The following HACD4 variants were observed in gnomAD, a reference collection of about 807,000 sequenced individuals.
The protein encoded by HACD4 is very-long-chain (3R)-3-hydroxyacyl-CoA dehydratase 4.
Under a neutral mutation model 33.3 loss-of-function variants are expected in HACD4, and 35 were observed. That is an observed-to-expected ratio of 1.05 (90% CI 0.80 to 1.39). HACD4 has a LOEUF of 1.39. Among genes scored for constraint, HACD4 ranks in the 40% most tolerant of loss-of-function variants. HACD4 has a pLI of 0.00. For missense variants in HACD4, 323 were observed against 276.5 expected (o/e 1.17, Z -1.19); for synonymous variants, 118 against 98.0 (o/e 1.20, Z -1.21).
intron 4 of HACD4, among the ~76,000 whole-genome samples, chr9:21,012,551 A>G (rs1169465142): frequency 6.6e-6 from 1 of 152,210 alleles, no homozygotes; most frequent in Non-Finnish European, 1.5e-5. Context: ...CTCAGAGACA[A>G]TAGCCAATGT....
At chr9:21,019,587 G>T (rs1213042970) in intron 3 of HACD4, among the ~76,000 whole-genome samples, 1 of 151,914 alleles carries the variant, frequency 6.6e-6, no homozygotes, top group East Asian at 1.9e-4. Flanking sequence ...TTTCTATGTA[G>T]ATAATGACTG....
At chr9:21,019,794 C>A (rs753254362) in intron 3 of HACD4, among the ~76,000 whole-genome samples, 6 of 152,056 alleles carry the variant, frequency 3.9e-5, no homozygotes, top group Non-Finnish European at 7.4e-5. Context: ...TTTATAGTTT[C>A]TTCTCTAACA....
intron 5 of HACD4, among the ~76,000 whole-genome samples, chr9:21,010,197 T>C (rs2132769758): frequency 6.6e-6 from 1 of 152,328 alleles, no homozygotes; most frequent in Non-Finnish European, 1.5e-5. Flanking sequence ...GTCTTCAGTT[T>C]TGAAAACTTT....
chr9:21,019,722 G>A (rs1439530401), intron 3 of HACD4, among the ~76,000 whole-genome samples: 1 of 152,042 alleles, frequency 6.6e-6, no homozygotes, highest in African/African-American at 2.4e-5. Flanking sequence ...GAGTGAATTG[G>A]ACATGTAATT....
At chr9:21,009,035 G>C (rs1842344563) in intron 5 of HACD4, among the ~76,000 whole-genome samples, 1 of 152,052 alleles carries the variant, frequency 6.6e-6, no homozygotes, top group Non-Finnish European at 1.5e-5. Context: ...GTTAACACAG[G>C]CCGCACCTAT....
rs1342258066 is a variant in HACD4, at chr9:21,029,360, A to C, written c.77T>G (p.Ile26Ser). The C allele has an allele frequency of 6.3e-7, 1 of 1,597,686 alleles. No individual in the cohort carries two copies. Among genetic ancestry groups the C allele is most frequent in the Non-Finnish European group, 8.6e-7 (1 of 1,166,800 alleles). Residue 26 changes from isoleucine to serine, a missense_variant, in exon 2 of 7, where the codon ATC (isoleucine) becomes AGC (serine). By Grantham distance (142) the Ile-to-Ser change is moderately radical (BLOSUM62 -2). Transcript: ENST00000495827. ...KNAYLFIYYLIQFCGHSWIFT... is the reference protein window; with the variant it reads ...KNAYLFIYYLSQFCGHSWIFT... Reference sequence around the variant, plus strand: ...TATCCAAGAGTGGCCACAGAACTGGATTAAGTAATAGATGAAAAGATACGC... The same window carrying C: ...TATCCAAGAGTGGCCACAGAACTGGCTTAAGTAATAGATGAAAAGATACGC...
intron 1 of HACD4, among the ~76,000 whole-genome samples, chr9:21,030,490 T>A (rs1415678774): frequency 6.6e-6 from 1 of 151,976 alleles, no homozygotes; most frequent in Non-Finnish European, 1.5e-5. Flanking sequence ...CAACAAAAAA[T>A]CCATGTGTGC....
rs749679223 is a variant in HACD4, at chr9:21,026,599, C to A, written c.267G>T (p.Leu89Phe). 8.1e-6 allele frequency: 13 copies of A among 1,609,424 alleles called. No homozygotes were observed. Among genetic ancestry groups the A allele is most frequent in the Admixed American group, 3.4e-5 (2 of 59,284 alleles). The change falls in exon 3 of 7, where the codon TTG (leucine) becomes TTT (phenylalanine). Residue 89 changes from leucine (L) to phenylalanine (F), a missense_variant. Coordinates refer to ENST00000495827, the MANE Select transcript of HACD4 (RefSeq NM_001010915.5). Reference protein sequence around the residue: ...IESNHLLPRFLQLTERIIILF... With the variant: ...IESNHLLPRFFQLTERIIILF... ...ATAATATGTGATTCAAACCTACCTG[C>A]AAAAACCTTGGGAGAAGATGGTTTG...
Position 21,007,075 on chromosome 9 carries a change from T to C in HACD4, c.661A>G (p.Ile221Val), listed in dbSNP as rs1461400011. 4 of 1,587,060 alleles carry C rather than the reference T, an allele frequency of 2.5e-6. No homozygotes were observed. The Admixed American group carries it at 6.7e-5, about 26-fold the overall frequency. ...TTTTTAATGGGAAAGATTCCGAGGA[T>C]GTCTCTTCTTTCTGAGTATAGATGA... Reference protein sequence around the residue: ...YSHLYSERRDILGIFPIKKKK... With the variant: ...YSHLYSERRDVLGIFPIKKKK... The change falls in exon 7 of 7, where the codon ATC becomes GTC. Residue 221 changes from isoleucine (I) to valine (V), a missense_variant. By Grantham distance (29) the Ile-to-Val change is conservative. Coordinates refer to ENST00000495827, the MANE Select transcript of HACD4 (RefSeq NM_001010915.5).
rs763208548 is a variant in HACD4 at position 21,008,065 on chromosome 9, T to C, written c.572A>G (p.Tyr191Cys). The part of the protein sequence containing the change: ...STKLPFDLSI[Y>C]FPYVLKIYLM... ...ATATATTTTCAGCACATATGGGAAA[T>C]AGATGGATAAGTCAAAGGGCAGCTT... Residue 191 changes from tyrosine to cysteine, a missense_variant, in exon 6 of 7, where the codon TAT becomes TGT. Coordinates refer to ENST00000495827, the MANE Select transcript of HACD4 (RefSeq NM_001010915.5). The C allele has an allele frequency of 6.8e-6, 11 of 1,611,508 alleles. No homozygotes were observed. Among genetic ancestry groups the C allele is most frequent in the Middle Eastern group, 1.6e-4 (1 of 6,070 alleles).
In HACD4 at chr9:21,004,088, C is replaced by G. The variant is rs1052521717; in HGVS notation, c.*2949G>C. 1 of 152,234 alleles carries G rather than the reference C, an allele frequency of 6.6e-6. No individual in the cohort carries two copies. The highest frequency in any genetic ancestry group is 2.4e-5 in the African/African-American group (1 of 41,456). 9.4% of individuals were successfully genotyped at this position (152,234 alleles called of 1,614,324 possible). A position where few individuals can be genotyped will look rare whatever the true frequency, so the allele number is the denominator to read the frequency against. ...TGGCTCAATCTCTGCTCACTGCAACCTCCATCTCCTGGGCTCAAGCGATTC... is the reference window on the plus strand; with the variant it reads ...TGGCTCAATCTCTGCTCACTGCAACGTCCATCTCCTGGGCTCAAGCGATTC... On this transcript the variant is annotated 3_prime_UTR_variant, in exon 7 of 7. Coordinates refer to ENST00000495827, the MANE Select transcript of HACD4 (RefSeq NM_001010915.5). The surrounding 1 kb of genome is among the most constrained non-coding windows in gnomAD (Gnocchi z 4.6).
In HACD4 at chr9:21,006,959, C is replaced by G. The variant is rs570746638; in HGVS notation, c.*78G>C. On this transcript the variant is annotated 3_prime_UTR_variant, in exon 7 of 7. Transcript: ENST00000495827. This position sits in a 1 kb window ranked among gnomAD's most constrained non-coding sequence, Gnocchi z 4.6. The stretch of plus-strand genomic sequence containing the variant: ...TATCAAATACAAGGTATTTTTCCAC[C>G]AGAATACTTCCTGTGTTTTATTTAC... 2.1e-5 allele frequency: 18 copies of G among 853,800 alleles called. No homozygotes were observed. The highest frequency in any genetic ancestry group is 1.7e-4 in the African/African-American group (10 of 59,860). 52.9% of individuals were successfully genotyped at this position (853,800 alleles called of 1,614,324 possible).
Position 21,013,799 on chromosome 9 carries a change from T to C in HACD4, c.383+2099A>G, listed in dbSNP as rs151274096. Among the ~76,000 whole-genome samples the C allele has an allele frequency of 2.6e-4, 39 of 152,346 alleles. No homozygotes were observed. The East Asian group carries it at 7.1e-3, about 28-fold the overall frequency. ...CTTGATTTCATTTTATGGTAGTTAA[T>C]TGCAAATATATAAAAATAATTCATT... is the stretch of plus-strand genomic sequence containing the variant. On this transcript the variant is annotated intron_variant, in intron 4 of 6. Coordinates refer to ENST00000495827, the MANE Select transcript of HACD4 (RefSeq NM_001010915.5).
Position 21,005,306 on chromosome 9 carries a change from G to C in HACD4, c.*1731C>G, listed in dbSNP as rs4129713. 37,566 of 152,110 alleles carry C rather than the reference G, an allele frequency of 0.25. 5,065 individuals are homozygous for C. Among genetic ancestry groups the C allele is most frequent in the Middle Eastern group, 0.36 (105 of 292 alleles). 9.4% of individuals were successfully genotyped at this position (152,110 alleles called of 1,614,324 possible). ...AGAATTCTTAACAAAAACGGAACCAGAACTTAAAAGATGTGGGAAATTATC... is the reference window on the plus strand; with the variant it reads ...AGAATTCTTAACAAAAACGGAACCACAACTTAAAAGATGTGGGAAATTATC... On this transcript the variant is annotated 3_prime_UTR_variant, in exon 7 of 7. Coordinates refer to ENST00000495827, the MANE Select transcript of HACD4 (RefSeq NM_001010915.5). This position sits in a 1 kb window ranked among gnomAD's most constrained non-coding sequence, Gnocchi z 4.0.
intron 3 of HACD4, among the ~76,000 whole-genome samples, chr9:21,024,713 C>G (rs1477546639): frequency 6.6e-6 from 1 of 152,156 alleles, no homozygotes; most frequent in African/African-American, 2.4e-5. Flanking sequence ...TAGGTGCATT[C>G]TCTACACTGG....
At position 21,015,968 on chromosome 9, in the gene HACD4, G is replaced by C. The variant is rs1299958899; in HGVS notation, c.313C>G (p.Gln105Glu). 7 of 1,613,050 alleles carry C rather than the reference G, an allele frequency of 4.3e-6. No homozygotes were observed. The highest frequency in any genetic ancestry group is 5.9e-6 in the Non-Finnish European group (7 of 1,179,422). Residue 105 changes from glutamine to glutamate, a missense_variant, in exon 4 of 7, where the codon CAA becomes GAA. Coordinates refer to ENST00000495827, the MANE Select transcript of HACD4 (RefSeq NM_001010915.5). ...IIILFVVITS[Q>E]EEVQEKYVVC... ...ACATATTTCTCTTGGACTTCCTCTT[G>C]ACTGGTGATCACCACAAAAAGGATG...
At chr9:21,030,785 G>A (rs1818192735) in intron 1 of HACD4, among the ~76,000 whole-genome samples, 1 of 152,198 alleles carries the variant, frequency 6.6e-6, no homozygotes, top group Non-Finnish European at 1.5e-5. Context: ...AGTCAAGCTG[G>A]GTTTAACAAT....
At chr9:21,027,817 TA>T (rs1482518676) in intron 2 of HACD4, among the ~76,000 whole-genome samples, 5 of 152,160 alleles carry the variant, frequency 3.3e-5, no homozygotes, top group Admixed American at 6.5e-5. Flanking sequence ...TCTACAATTG[TA>T]ATGGCAGGAT....
At chr9:21,027,574 A>C (rs1818094539) in intron 2 of HACD4, among the ~76,000 whole-genome samples, 1 of 152,228 alleles carries the variant, frequency 6.6e-6, no homozygotes, top group Admixed American at 6.5e-5. Context: ...TGGTTCCTGA[A>C]GTACACAGTC....
Sources: gnomAD v4.1 joint callset for allele counts (sites outside exome capture counted in the v4.1 genomes callset) on GRCh38, gnomAD v4.1.1 for gene constraint, Gnocchi (gnomAD v3.1) non-coding constraint, MANE v1.5 for transcripts, NCBI Gene and HGNC (gene_info 2026-07-23, HGNC 2026-07-21) for gene names.